Variants in LARP7 observed in about 807,000 individuals in gnomAD.
The protein encoded by LARP7 is La ribonucleoprotein 7, transcriptional regulator.
LARP7 carries 52 observed loss-of-function variants against 69.3 expected under a neutral mutation model. The ratio of observed to expected loss-of-function variants is 0.75; its 90% confidence interval spans 0.60 to 0.95. The LOEUF (loss-of-function observed/expected upper bound fraction) is 0.95, where lower values mean the gene tolerates loss of function less well. Ranked by LOEUF, LARP7 falls within the 40% of genes least tolerant of loss-of-function variation. LARP7 has a pLI of 0.00. For missense variants in LARP7, 733 were observed against 673.0 expected (o/e 1.09, Z -0.99); for synonymous variants, 254 against 215.9 (o/e 1.18, Z -1.55).
chr4:112,649,546 T>A lies in LARP7; in HGVS notation c.1154T>A (p.Met385Lys). The change falls in exon 9 of 13, where the codon ATG becomes AAG. Residue 385 changes from methionine (M) to lysine (K), a missense_variant. By Grantham distance (95) the Met-to-Lys change is moderately conservative. Coordinates refer to ENST00000344442, the MANE Select transcript of LARP7 (RefSeq NM_016648.4). ...TTCTTTCCTTGTAGGAGCGAATGGA[T>A]GGATTTGAAAAAAGAGTATTTAGCG... is the stretch of plus-strand genomic sequence containing the variant. ...PLRVLSKSEW[M>K]DLKKEYLALQ... 1.3e-6 allele frequency: 2 copies of A among 1,598,960 alleles called. No individual in the cohort carries two copies. The highest frequency in any genetic ancestry group is 1.7e-6 in the Non-Finnish European group (2 of 1,173,682).
In LARP7 at chr4:112,644,486, A is replaced by T. The variant is rs2048086546; in HGVS notation, c.-2-182A>T. On this transcript the variant is annotated intron_variant, in intron 1 of 12. Coordinates refer to ENST00000344442, the MANE Select transcript of LARP7 (RefSeq NM_016648.4). ...ACTAAAGCTATGATCCCTAACATAGAAGGTAAATTATTTTTAAATTTAATT... is the reference window on the plus strand; with the variant it reads ...ACTAAAGCTATGATCCCTAACATAGTAGGTAAATTATTTTTAAATTTAATT... The T allele has an allele frequency of 3.4e-6, 4 of 1,177,482 alleles. No homozygotes were observed. In the Admixed American group the frequency reaches 1.4e-4, roughly 40 times the overall value. 72.9% of individuals were successfully genotyped at this position (1,177,482 alleles called of 1,614,324 possible). A position where few individuals can be genotyped will look rare whatever the true frequency, so the allele number is the denominator to read the frequency against.
At chr4:112,652,543 T>G (rs1215538347) in intron 10 of LARP7, among the ~76,000 whole-genome samples, 1 of 152,144 alleles carries the variant, frequency 6.6e-6, no homozygotes, top group East Asian at 1.9e-4. Context: ...GGTATTTTTT[T>G]CAGAAAGTAA....
intron 10 of LARP7, among the ~76,000 whole-genome samples, 184 bp downstream of exon 10, chr4:112,650,766 C>G (rs1345040685): frequency 6.6e-6 from 1 of 152,160 alleles, no homozygotes; most frequent in Admixed American, 6.5e-5. Context: ...AATCTAGAGG[C>G]TGAAATTCCT....
intron 1 of LARP7, among the ~76,000 whole-genome samples, chr4:112,640,849 G>C (rs535414310): frequency 6.6e-6 from 1 of 152,114 alleles, no homozygotes; most frequent in African/African-American, 2.4e-5. Flanking sequence ...TCTCTAAGAA[G>C]TGACATTTGC....
At chr4:112,650,372 CAG>C (rs1315925527) in intron 9 of LARP7, 87 bp from the exon 10 acceptor site, 1 of 1,253,932 alleles carries the variant, frequency 8.0e-7, no homozygotes, top group Non-Finnish European at 1.1e-6. Context: ...AAATCTGCCT[CAG>C]GAATTATTCT....
At chr4:112,648,213 T>C (rs751887605) in intron 8 of LARP7, 1 of 533,254 alleles carries the variant, frequency 1.9e-6, no homozygotes, top group Non-Finnish European at 3.9e-6. Context: ...CACTTACTTC[T>C]TTAGTTTCAA....
intron 8 of LARP7, chr4:112,648,469 G>A (rs372818265): frequency 3.7e-6 from 2 of 533,974 alleles, no homozygotes; most frequent in East Asian, 5.5e-5. Context: ...CTATTTTGGA[G>A]AAGTAAATTG....
intron 1 of LARP7, among the ~76,000 whole-genome samples, chr4:112,643,222 G>C (rs899320792): frequency 3.9e-5 from 6 of 152,148 alleles, no homozygotes; most frequent in Admixed American, 2.0e-4. Flanking sequence ...TAAATGCTAT[G>C]AACAAAAATA....
chr4:112,655,889 C>T (rs553594635), intron 12 of LARP7, among the ~76,000 whole-genome samples: 25 of 152,006 alleles, frequency 1.6e-4, no homozygotes, highest in Middle Eastern at 6.8e-3. Context: ...ATGCAGAGAC[C>T]GGAAGGGAAG....
In LARP7 at chr4:112,647,737, G is replaced by C. The variant is rs770227975; in HGVS notation, c.1045G>C (p.Asp349His). ...GGAAAAGGATACTGGAGATCTAAAAGATAGCTCTCTCTTGAAAACAAAAAG... is the reference window on the plus strand; with the variant it reads ...GGAAAAGGATACTGGAGATCTAAAACATAGCTCTCTCTTGAAAACAAAAAG... ...EEEKDTGDLK[D>H]SSLLKTKRKH... Residue 349 changes from aspartate (D) to histidine (H), a missense_variant, in exon 8 of 13, where the codon GAT becomes CAT. Asp to His is a moderately conservative substitution (Grantham distance 81). Coordinates refer to ENST00000344442, the MANE Select transcript of LARP7 (RefSeq NM_016648.4). 1.3e-6 allele frequency: 2 copies of C among 1,559,392 alleles called. No individual in the cohort carries two copies. The highest frequency in any genetic ancestry group is 1.2e-5 in the South Asian group (1 of 83,626).
intron 12 of LARP7, among the ~76,000 whole-genome samples, chr4:112,656,377 A>G (rs563481540): frequency 1.3e-5 from 2 of 152,290 alleles, no homozygotes; most frequent in Admixed American, 6.5e-5. Flanking sequence ...CAGCCTGGGC[A>G]ACAGAGCAAG....
chr4:112,638,860 C>T (rs190211271), intron 1 of LARP7, among the ~76,000 whole-genome samples: 1 of 152,218 alleles, frequency 6.6e-6, no homozygotes, highest in African/African-American at 2.4e-5. Context: ...CTTGATTTTA[C>T]CTTATCTTTA....
chr4:112,653,048 A>G (rs1396044097), intron 10 of LARP7, 29 bp from the exon 11 acceptor site: 3 of 1,532,414 alleles, frequency 2.0e-6, no homozygotes, highest in Non-Finnish European at 1.8e-6. Flanking sequence ...TTTAAATTTT[A>G]TTTGTCTTTC....
intron 2 of LARP7, among the ~76,000 whole-genome samples, 188 bp from the exon 3 acceptor site, chr4:112,646,161 TAG>T (rs1434125417): frequency 2.0e-5 from 3 of 151,660 alleles, no homozygotes; most frequent in African/African-American, 7.3e-5. Context: ...GTATTTTTAG[TAG>T]AGATGGGGTT....
intron 8 of LARP7, 34 bp downstream of exon 8, chr4:112,647,868 A>G: frequency 2.1e-6 from 3 of 1,444,540 alleles, no homozygotes; most frequent in Non-Finnish European, 2.9e-6. Flanking sequence ...TCATTGGCTT[A>G]ACAATCCATC....
intron 12 of LARP7, chr4:112,655,507 G>C (rs2048920089): frequency 6.6e-6 from 1 of 152,196 alleles, no homozygotes; most frequent in Non-Finnish European, 1.5e-5. Flanking sequence ...GGTTAACACA[G>C]AAAGTAAGTG....
At chr4:112,648,519 AG>A (rs774151348) in intron 8 of LARP7, 1 of 533,774 alleles carries the variant, frequency 1.9e-6, no homozygotes, top group South Asian at 1.4e-5. Context: ...TTACTTTTAA[AG>A]TCACAGAAAG....
chr4:112,645,528 C>T (rs544833483), intron 2 of LARP7: 14 of 456,056 alleles, frequency 3.1e-5, no homozygotes, highest in Admixed American at 9.4e-5. Context: ...TTTTTTGAGG[C>T]AAGGTCTATC....
intron 12 of LARP7, among the ~76,000 whole-genome samples, chr4:112,656,749 AT>A (rs1027787518): frequency 2.0e-5 from 3 of 152,236 alleles, no homozygotes; most frequent in Non-Finnish European, 4.4e-5. Context: ...CACCTCAATG[AT>A]GAATAATAGG....
Sources: allele counts gnomAD v4.1 joint callset (sites outside exome capture counted in the v4.1 genomes callset), GRCh38; gene constraint gnomAD v4.1.1; transcripts MANE v1.5; gene names NCBI Gene and HGNC (gene_info 2026-07-23, HGNC 2026-07-21).